BRPF3: variants seen among roughly 807,000 people sequenced by gnomAD.
BRPF3 encodes the protein bromodomain and PHD finger-containing protein 3.
A neutral mutation model predicts 102.0 loss-of-function variants in BRPF3; 18 were observed. The ratio of observed to expected loss-of-function variants is 0.18; its 90% confidence interval spans 0.12 to 0.26. The LOEUF is 0.26. Ranked by LOEUF, BRPF3 falls within the 10% of genes least tolerant of loss-of-function variation. The pLI, the probability that BRPF3 is intolerant of heterozygous loss-of-function variation, is 1.00. For synonymous variants in BRPF3, 570 were observed against 614.2 expected (o/e 0.93, Z 1.06); for missense variants, 1,147 against 1,567.8 (o/e 0.73, Z 4.53).
chr6:36,211,219 G>A, intron 6 of BRPF3, 39 bp from the exon 7 acceptor site: 1 of 1,592,390 alleles, frequency 6.3e-7, no homozygotes. Flanking sequence ...GTGCTGGGCA[G>A]GTCCTTCAGC....
rs1315135207 is a variant in BRPF3 at position 36,209,888 on chromosome 6, C to T, written c.1839C>T (p.Ile613=). 1 of 1,614,132 alleles carries T rather than the reference C, an allele frequency of 6.2e-7. No individual in the cohort carries two copies. Among genetic ancestry groups the T allele is most frequent in the South Asian group, 1.1e-5 (1 of 91,066 alleles). ...DLLQEKDPAH[I]FAEPVNLSEV... ...TGCAGGAGAAGGATCCTGCACACATCTTCGCAGAACCAGTCAACTTGAGTG... is the reference window on the plus strand; with the variant it reads ...TGCAGGAGAAGGATCCTGCACACATTTTCGCAGAACCAGTCAACTTGAGTG... Residue 613 remains isoleucine, a synonymous_variant, in exon 5 of 13, where the codon ATC becomes ATT. Coordinates refer to ENST00000357641, the MANE Select transcript of BRPF3 (RefSeq NM_015695.3).
chr6:36,205,784 C>T (rs562996392), intron 3 of BRPF3, among the ~76,000 whole-genome samples: 59 of 152,248 alleles, frequency 3.9e-4, no homozygotes, highest in Non-Finnish European at 7.8e-4. Flanking sequence ...TGTCCAATCT[C>T]ATAATTGACA....
chr6:36,228,475 A>T (rs760910392), intron 11 of BRPF3, among the ~76,000 whole-genome samples: 1 of 152,140 alleles, frequency 6.6e-6, no homozygotes, highest in Non-Finnish European at 1.5e-5. Flanking sequence ...TTCTCTAGCT[A>T]TACACTGAGC....
intron 7 of BRPF3, among the ~76,000 whole-genome samples, chr6:36,213,586 C>T (rs1321798526): frequency 2.0e-5 from 3 of 151,928 alleles, no homozygotes; most frequent in Non-Finnish European, 4.4e-5. Context: ...GCTTATAGAC[C>T]TAGCTACTTT....
rs1013260246 is a variant in BRPF3 at position 36,212,572 on chromosome 6, GAAA to G, written c.2482+1032_2482+1034del. Among the ~76,000 whole-genome samples, 265 of 44,962 alleles carry G rather than the reference GAAA, an allele frequency of 5.9e-3. 1 individual carries two copies. Among genetic ancestry groups the G allele is most frequent in the African/African-American group, 0.019 (248 of 13,374 alleles). 29.5% of individuals were successfully genotyped at this position (44,962 alleles called of 152,430 possible). Reference sequence around the variant, plus strand: ...CCCAGTAGGCCAACAGCATCACCTAGAAAAAAAAAAAAAAAAAAAAAAGGTGTA... The same window carrying G: ...CCCAGTAGGCCAACAGCATCACCTAGAAAAAAAAAAAAAAAAAAAGGTGTA... On this transcript the variant is annotated intron_variant, in intron 7 of 12. Transcript: ENST00000357641.
Position 36,200,853 on chromosome 6 carries a change from T to C in BRPF3, c.531T>C (p.Ser177=). 6.2e-7 allele frequency: 1 copy of C among 1,614,094 alleles called. No homozygotes were observed. Among genetic ancestry groups the C allele is most frequent in the Non-Finnish European group, 8.5e-7 (1 of 1,180,022 alleles). The stretch of plus-strand genomic sequence containing the variant: ...AAAAACGGCGAGTAGATGGGCACAG[T>C]TTGGTGTCTGCAGATACCTTTGAGC... ...VNEKRRVDGH[S]LVSADTFELL... is the part of the protein sequence containing the mutation. The change falls in exon 2 of 13, where the codon AGT becomes AGC. Residue 177 remains serine, a synonymous_variant. Transcript: ENST00000357641. The surrounding 1 kb of genome is among the most constrained non-coding windows in gnomAD (Gnocchi z 5.3).
At chr6:36,211,677 C>G in intron 7 of BRPF3, 117 bp downstream of exon 7, 1 of 1,271,456 alleles carries the variant, frequency 7.9e-7, no homozygotes, top group Non-Finnish European at 1.1e-6. Context: ...TGTGGGCAAG[C>G]AAAAGTGCTT....
intron 10 of BRPF3, 113 bp downstream of exon 10, chr6:36,222,378 C>A: frequency 1.0e-6 from 1 of 978,582 alleles, no homozygotes; most frequent in Non-Finnish European, 1.5e-6. Flanking sequence ...TTGAGCTCCC[C>A]CAAACTCTTG....
In BRPF3 at chr6:36,217,890, C is replaced by G. The variant is rs201036751; in HGVS notation, c.2990-27C>G. The G allele has an allele frequency of 9.4e-4, 1,505 of 1,605,120 alleles. 9 individuals are homozygous for G. The highest frequency in any genetic ancestry group is 6.5e-4 in the East Asian group (29 of 44,624). On this transcript the variant is annotated intron_variant, in intron 8 of 12. Transcript: ENST00000357641. ...TGTTGGGAAGGGGGATTTCTGCACT[C>G]AGACTCACTGTGTGTGTCCTTGGCA...
chr6:36,202,654 C>A (rs1163392388), intron 2 of BRPF3, among the ~76,000 whole-genome samples: 1 of 152,148 alleles, frequency 6.6e-6, no homozygotes, highest in Non-Finnish European at 1.5e-5. Flanking sequence ...TTCTCCCACA[C>A]CCCCAGATGA....
chr6:36,200,973 G>A lies in BRPF3; in HGVS notation c.651G>A (p.Val217=), dbSNP rs376016984. 1.9e-6 allele frequency: 3 copies of A among 1,614,076 alleles called. No homozygotes were observed. The highest frequency in any genetic ancestry group is 1.3e-5 in the African/African-American group (1 of 74,920). The change falls in exon 2 of 13, where the codon GTG becomes GTA. Residue 217 remains valine, a synonymous_variant. Transcript: ENST00000357641. This position sits in a 1 kb window ranked among gnomAD's most constrained non-coding sequence, Gnocchi z 5.3. ...TCGATGAAGACGCTTTCTGCTGTGTGTGCCTGGATGATGAATGTCACAATA... is the reference window on the plus strand; with the variant it reads ...TCGATGAAGACGCTTTCTGCTGTGTATGCCTGGATGATGAATGTCACAATA... ...SLIDEDAFCC[V]CLDDECHNSN... is the part of the protein sequence containing the mutation.
At chr6:36,202,746 A>G (rs1249386183) in intron 2 of BRPF3, among the ~76,000 whole-genome samples, 2 of 152,196 alleles carry the variant, frequency 1.3e-5, no homozygotes, top group African/African-American at 4.8e-5. Flanking sequence ...AATACATGCC[A>G]TGTCCTGTTC....
rs1454163595 is a variant in BRPF3, at chr6:36,228,946, C to T, written c.3324C>T (p.Gly1108=). The T allele has an allele frequency of 1.9e-5, 30 of 1,614,186 alleles. No individual in the cohort carries two copies. Among genetic ancestry groups the T allele is most frequent in the Non-Finnish European group, 2.5e-5 (29 of 1,180,026 alleles). The change falls in exon 12 of 13, where the codon GGC becomes GGT. Residue 1108 remains glycine (G), a synonymous_variant. Transcript: ENST00000357641. Reference sequence around the variant, plus strand: ...CCCGGGAGGGCCTCCTGCACAATGGCGTTCCCATCCCTGTCCCCCCGCTGG... The same window carrying T: ...CCCGGGAGGGCCTCCTGCACAATGGTGTTCCCATCCCTGTCCCCCCGCTGG... ...KMPREGLLHN[G]VPIPVPPLDV...
Position 36,204,766 on chromosome 6 carries a change from T to A in BRPF3, c.1557T>A (p.Leu519=), listed in dbSNP as rs1426206253. 6 of 1,614,250 alleles carry A rather than the reference T, an allele frequency of 3.7e-6. No homozygotes were observed. The South Asian group carries it at 6.6e-5, about 18-fold the overall frequency. The change falls in exon 3 of 13, where the codon CTT becomes CTA. Residue 519 remains leucine (L), a synonymous_variant. Transcript: ENST00000357641. The part of the protein sequence containing the change: ...LKRQARNGVP[L]IRRLHSHLQS... ...GGCAGGCACGGAATGGTGTCCCTCT[T>A]ATCCGGCGCTTGCACTCCCATCTGC...
intron 7 of BRPF3, among the ~76,000 whole-genome samples, chr6:36,213,376 A>G (rs906103891): frequency 1.3e-5 from 2 of 152,212 alleles, no homozygotes; most frequent in Non-Finnish European, 2.9e-5. Context: ...GCCAGGGTTG[A>G]GAACTACTAG....
chr6:36,204,864 GA>G, intron 3 of BRPF3, 50 bp downstream of exon 3: 1 of 1,592,894 alleles, frequency 6.3e-7, no homozygotes, highest in Non-Finnish European at 8.6e-7. Context: ...GAGAGTGAAG[GA>G]AAAGGAATGA....
rs199916586 is a variant in BRPF3 at position 36,214,215 on chromosome 6, C to T, written c.2818C>T (p.Leu940=). Reference sequence around the variant, plus strand: ...CAAGAAGGCCAAGAATGGGGTTAAGCTACAGAGAAGCCCAGACAGGGTCCT... The same window carrying T: ...CAAGAAGGCCAAGAATGGGGTTAAGTTACAGAGAAGCCCAGACAGGGTCCT... The part of the protein sequence containing the change: ...LFKKAKNGVK[L]QRSPDRVLEN... Residue 940 remains leucine, a synonymous_variant, in exon 8 of 13, where the codon CTA becomes TTA. Coordinates refer to ENST00000357641, the MANE Select transcript of BRPF3 (RefSeq NM_015695.3). 8.7e-6 allele frequency: 14 copies of T among 1,614,166 alleles called. No individual in the cohort carries two copies. The African/African-American group carries it at 1.2e-4, about 14-fold the overall frequency.
In BRPF3 at chr6:36,201,567, G is replaced by C. The variant is rs755726547; in HGVS notation, c.1245G>C (p.Glu415Asp). ...CTGGCGATGAGGAAGGGCTGAAGGAGGGTGATGGAGAGGAGGAAGAAGAGG... is the reference window on the plus strand; with the variant it reads ...CTGGCGATGAGGAAGGGCTGAAGGACGGTGATGGAGAGGAGGAAGAAGAGG... Reference protein sequence around the residue: ...SETGDEEGLKEGDGEEEEEEE... With the variant: ...SETGDEEGLKDGDGEEEEEEE... The change falls in exon 2 of 13, where the codon GAG becomes GAC. Residue 415 changes from glutamate to aspartate, a missense_variant. By Grantham distance (45) the Glu-to-Asp change is conservative. Coordinates refer to ENST00000357641, the MANE Select transcript of BRPF3 (RefSeq NM_015695.3). This position sits in a 1 kb window ranked among gnomAD's most constrained non-coding sequence, Gnocchi z 5.1. The C allele has an allele frequency of 6.2e-6, 10 of 1,613,916 alleles. No individual in the cohort carries two copies. The Admixed American group carries it at 1.7e-4, about 27-fold the overall frequency.
At chr6:36,229,220 G>T (rs1440286047) in intron 12 of BRPF3, among the ~76,000 whole-genome samples, 164 bp downstream of exon 12, 1 of 152,232 alleles carries the variant, frequency 6.6e-6, no homozygotes, top group Non-Finnish European at 1.5e-5. Flanking sequence ...TAACTGAGGG[G>T]TGTTGCAGAT....
Sources: gnomAD v4.1 joint callset for allele counts (sites outside exome capture counted in the v4.1 genomes callset) on GRCh38, gnomAD v4.1.1 for gene constraint, Gnocchi (gnomAD v3.1) non-coding constraint, MANE v1.5 for transcripts, NCBI Gene and HGNC (gene_info 2026-07-23, HGNC 2026-07-21) for gene names.